HACE1: variants seen among roughly 807,000 people sequenced by gnomAD.
HACE1 encodes HECT domain and ankyrin repeat containing E3 ubiquitin protein ligase 1, also known as E3 ubiquitin-protein ligase HACE1.
A neutral mutation model predicts 118.4 loss-of-function variants in HACE1; 73 were observed. The observed-to-expected ratio is 0.62, with a 90% confidence interval of 0.51 to 0.75. HACE1 has a LOEUF of 0.75. Among genes scored for constraint, HACE1 ranks in the 30% least tolerant of loss-of-function variants. The probability of loss-of-function intolerance (pLI) is 0.00; values close to 1 mark genes in which losing one functional copy is unlikely to be tolerated. For synonymous variants in HACE1, 368 were observed against 374.8 expected (o/e 0.98, Z 0.21); for missense variants, 749 against 1,102.2 (o/e 0.68, Z 4.54).
At chr6:104,768,903 T>C (rs1780319966) in intron 19 of HACE1, among the ~76,000 whole-genome samples, 1 of 152,164 alleles carries the variant, frequency 6.6e-6, no homozygotes, top group Non-Finnish European at 1.5e-5. Flanking sequence ...TTTCCATCTT[T>C]CTAGATTTCA....
chr6:104,769,481 G>T (rs903626494), intron 19 of HACE1, among the ~76,000 whole-genome samples: 4 of 152,086 alleles, frequency 2.6e-5, no homozygotes, highest in African/African-American at 9.7e-5. Flanking sequence ...TAGGCCTCCA[G>T]TGTAAAATAA....
In HACE1 at chr6:104,852,307, A is replaced by G; in HGVS notation, c.131+10T>C. ...CTTAAAAAGCAAAAATTTTTGGAACAAGCACTCACCTGTGTTGATCAGCCA... is the reference window on the plus strand; with the variant it reads ...CTTAAAAAGCAAAAATTTTTGGAACGAGCACTCACCTGTGTTGATCAGCCA... On this transcript the variant is annotated intron_variant, in intron 2 of 23. Transcript: ENST00000262903. 6.2e-7 allele frequency: 1 copy of G among 1,605,110 alleles called. No individual in the cohort carries two copies. Among genetic ancestry groups the G allele is most frequent in the Non-Finnish European group, 8.5e-7 (1 of 1,172,008 alleles).
chr6:104,771,989 T>A lies in HACE1; in HGVS notation c.1950A>T (p.Leu650Phe). The change falls in exon 18 of 24, where the codon TTA becomes TTT. Residue 650 changes from leucine (L) to phenylalanine (F), a missense_variant. By Grantham distance (22) the Leu-to-Phe change is conservative. Transcript: ENST00000262903. ...TGACCAGCTGCCTGTGGTTCAACGC[T>A]AATCCCAAGATCTGCCCAGCAAACC... ...YFRFAGQILG[L>F]ALNHRQLVNI... 6.2e-7 allele frequency: 1 copy of A among 1,609,068 alleles called. No individual in the cohort carries two copies. Among genetic ancestry groups the A allele is most frequent in the Non-Finnish European group, 8.5e-7 (1 of 1,175,502 alleles).
In HACE1 at chr6:104,777,015, T is replaced by C; in HGVS notation, c.1774A>G (p.Met592Val). Residue 592 changes from methionine to valine, a missense_variant and splice_region_variant, in exon 16 of 24, where the codon ATG (methionine) becomes GTG (valine). Around this residue, in one of 5 missense-constraint regions of HACE1, gnomAD observed 195 missense variants for 322.1 expected, o/e 0.61. Transcript: ENST00000262903. ...ACATCATCTTCTTTTATACCCACCA[T>C]GCCTTCTTCTCCATGGAACCGTACA... Reference protein sequence around the residue: ...IAVRFHGEEGMGQGVVREWFD... With the variant: ...IAVRFHGEEGVGQGVVREWFD... The C allele has an allele frequency of 1.3e-6, 2 of 1,596,714 alleles. No individual in the cohort carries two copies. Among genetic ancestry groups the C allele is most frequent in the Non-Finnish European group, 1.7e-6 (2 of 1,164,728 alleles).
intron 9 of HACE1, among the ~76,000 whole-genome samples, chr6:104,796,274 C>T (rs1769613133): frequency 6.6e-6 from 1 of 151,956 alleles, no homozygotes; most frequent in African/African-American, 2.4e-5. Context: ...CTACACTTAG[C>T]TAATTTTTGT....
rs147758732 is a variant in HACE1, at chr6:104,825,310, G to A, written c.534+7732C>T. On this transcript the variant is annotated intron_variant, in intron 6 of 23. Transcript: ENST00000262903. ...CCTTTGCAAACCCCCACCTCTTTGC[G>A]AGGCAGATGGGAAATTGAAAGTACC... Among the ~76,000 whole-genome samples the A allele has an allele frequency of 4.4e-3, 665 of 152,158 alleles. 18 individuals carry two copies. The highest frequency in any genetic ancestry group is 0.038 in the Admixed American group (580 of 15,274).
At chr6:104,804,220 C>T (rs1770729699) in intron 7 of HACE1, among the ~76,000 whole-genome samples, 1 of 152,090 alleles carries the variant, frequency 6.6e-6, no homozygotes, top group African/African-American at 2.4e-5. Context: ...AAAGAGGACA[C>T]AAACAAATGG....
chr6:104,735,903 T>A (rs894656492), intron 22 of HACE1, among the ~76,000 whole-genome samples: 1 of 152,000 alleles, frequency 6.6e-6, no homozygotes, highest in African/African-American at 2.4e-5. Flanking sequence ...AAAATAAAAC[T>A]AGATAGCCAT....
chr6:104,821,541 C>G (rs927770979), intron 6 of HACE1, among the ~76,000 whole-genome samples: 1 of 152,016 alleles, frequency 6.6e-6, no homozygotes, highest in African/African-American at 2.4e-5. Flanking sequence ...ACGTAAATAA[C>G]ACTAATATGT....
chr6:104,773,449 G>A lies in HACE1; in HGVS notation c.1865-1375C>T, dbSNP rs369206450. Among the ~76,000 whole-genome samples, 16 of 152,314 alleles carry A rather than the reference G, an allele frequency of 1.1e-4. No individual in the cohort carries two copies. The East Asian group carries it at 2.5e-3, about 24-fold the overall frequency. On this transcript the variant is annotated intron_variant, in intron 17 of 23. Coordinates refer to ENST00000262903, the MANE Select transcript of HACE1 (RefSeq NM_020771.4). ...TATGGGAATAACCTAAATAAGTCAT[G>A]TGAGTCTCATCATTCACTGTTAAGG...
intron 20 of HACE1, among the ~76,000 whole-genome samples, chr6:104,749,643 T>G (rs1777826761): frequency 6.6e-6 from 1 of 152,120 alleles, no homozygotes; most frequent in Non-Finnish European, 1.5e-5. Flanking sequence ...AGCTATATGC[T>G]ATTTAAAATA....
At chr6:104,740,289 C>T (rs1281596879) in intron 22 of HACE1, among the ~76,000 whole-genome samples, 1 of 147,540 alleles carries the variant, frequency 6.8e-6, no homozygotes, top group East Asian at 2.0e-4. Flanking sequence ...CATTCAAAAG[C>T]TAGCAGAAGG....
At chr6:104,819,935 G>A (rs949642452) in intron 6 of HACE1, among the ~76,000 whole-genome samples, 16 of 152,122 alleles carry the variant, frequency 1.1e-4, no homozygotes, top group Non-Finnish European at 2.2e-4. Flanking sequence ...AGCAGCTCAC[G>A]CCTGTAATCC....
At chr6:104,804,554 C>A (rs1376150369) in intron 7 of HACE1, among the ~76,000 whole-genome samples, 1 of 152,094 alleles carries the variant, frequency 6.6e-6, no homozygotes, top group Non-Finnish European at 1.5e-5. Flanking sequence ...AGAAGTAACA[C>A]CACACATCTA....
intron 19 of HACE1, among the ~76,000 whole-genome samples, chr6:104,755,721 T>G (rs1440398096): frequency 6.6e-6 from 1 of 152,214 alleles, no homozygotes; most frequent in Non-Finnish European, 1.5e-5. Flanking sequence ...CAAGAATTTA[T>G]CTGAAACTAA....
chr6:104,802,072 C>A (rs933274251), intron 7 of HACE1, among the ~76,000 whole-genome samples: 1 of 149,146 alleles, frequency 6.7e-6, no homozygotes, highest in African/African-American at 2.5e-5. Flanking sequence ...CAATCCAGGT[C>A]TCTGATAAAA....
chr6:104,764,047 A>G (rs2114664130), intron 19 of HACE1, among the ~76,000 whole-genome samples: 1 of 152,054 alleles, frequency 6.6e-6, no homozygotes, highest in Non-Finnish European at 1.5e-5. Context: ...ATTTTATCTC[A>G]AACAAACAAA....
rs1003683850 is a variant in HACE1, at chr6:104,729,930, C to T, written c.2628-166G>A. On this transcript the variant is annotated intron_variant, in intron 23 of 23. Transcript: ENST00000262903. ...GTATTTAAAAAGAAGAAAAAATCTG[C>T]TGCATTGCAGTTTCTTTCAGCATGC... is the stretch of plus-strand genomic sequence containing the variant. 1.5e-4 allele frequency among the ~76,000 whole-genome samples: 23 copies of T among 152,276 alleles called. No individual in the cohort carries two copies. In the East Asian group the frequency reaches 3.9e-3, roughly 26 times the overall value.
In HACE1 at chr6:104,811,247, C is replaced by CATATATATATATAT. The variant is rs3995559; in HGVS notation, c.617+50_617+63dup. 603 of 208,342 alleles carry CATATATATATATAT rather than the reference C, an allele frequency of 2.9e-3. 2 individuals carry two copies. The highest frequency in any genetic ancestry group is 4.2e-3 in the Non-Finnish European group (471 of 113,220). 12.9% of individuals were successfully genotyped at this position (208,342 alleles called of 1,614,324 possible). A position where few individuals can be genotyped will look rare whatever the true frequency, so the allele number is the denominator to read the frequency against. ...AAATATATATATTTCTTTATTTATACATATATATATATATATATATATATA... is the reference window on the plus strand; with the variant it reads ...AAATATATATATTTCTTTATTTATACATATATATATATATATATATATATATATATATATATATA... On this transcript the variant is annotated intron_variant, in intron 7 of 23. Coordinates refer to ENST00000262903, the MANE Select transcript of HACE1 (RefSeq NM_020771.4).
Sources: gnomAD v4.1 joint callset for allele counts (sites outside exome capture counted in the v4.1 genomes callset) on GRCh38, gnomAD v4.1.1 for gene constraint, gnomAD v4.1.1 regional missense constraint, MANE v1.5 for transcripts, NCBI Gene and HGNC (gene_info 2026-07-23, HGNC 2026-07-21) for gene names.